The following ZIC4 variants were observed in gnomAD, a reference collection of about 807,000 sequenced individuals.
The protein encoded by ZIC4 is zinc finger protein ZIC 4.
Under a neutral mutation model 28.8 loss-of-function variants are expected in ZIC4, and 15 were observed. The ratio of observed to expected loss-of-function variants is 0.52; its 90% confidence interval spans 0.35 to 0.80. The LOEUF (loss-of-function observed/expected upper bound fraction) is 0.80. Among genes scored for constraint, ZIC4 ranks in the 30% least tolerant of loss-of-function variants. ZIC4 has a pLI of 0.01. For synonymous variants in ZIC4, 220 were observed against 198.1 expected (o/e 1.11, Z -0.93); for missense variants, 512 against 467.1 (o/e 1.10, Z -0.89).
At chr3:147,403,047 A>G (rs1452523187) in intron 1 of ZIC4, among the ~76,000 whole-genome samples, 1 of 152,188 alleles carries the variant, frequency 6.6e-6, no homozygotes, top group Non-Finnish European at 1.5e-5. Flanking sequence ...ATAATTTCCC[A>G]GCTAGGCTTT....
At chr3:147,390,824 C>A in intron 4 of ZIC4, 107 bp downstream of exon 4, 2 of 1,357,942 alleles carry the variant, frequency 1.5e-6, no homozygotes, top group South Asian at 1.5e-5. Flanking sequence ...ACAGAGGCAG[C>A]CCTAATACCG....
chr3:147,389,636 C>T (rs779376520), intron 4 of ZIC4, among the ~76,000 whole-genome samples: 11 of 152,118 alleles, frequency 7.2e-5, no homozygotes, highest in Non-Finnish European at 1.3e-4. Context: ...ATTGCAAAGG[C>T]CTTTCTCGCC....
At position 147,390,947 on chromosome 3, in the gene ZIC4, C is replaced by G; in HGVS notation, c.988G>C (p.Ala330Pro). Residue 330 changes from alanine (A) to proline (P), a missense_variant, in exon 4 of 5, where the codon GCC (alanine) becomes CCC (proline). Ala to Pro is a conservative substitution (Grantham distance 27). Transcript: ENST00000383075. Reference sequence around the variant, plus strand: ...CACACGTACCATTCGCTCAAGTCGGCGGTACGCGCCGCCACCGCCGCCGAG... The same window carrying G: ...CACACGTACCATTCGCTCAAGTCGGGGGTACGCGCCGCCACCGCCGCCGAG... ...ASSAAVAART[A>P]DLSE 2 of 1,610,060 alleles carry G rather than the reference C, an allele frequency of 1.2e-6. No individual in the cohort carries two copies. Among genetic ancestry groups the G allele is most frequent in the Non-Finnish European group, 1.7e-6 (2 of 1,178,392 alleles).
chr3:147,397,327 T>A (rs2087070640), intron 2 of ZIC4: 1 of 146,778 alleles, frequency 6.8e-6, no homozygotes, highest in Non-Finnish European at 1.5e-5. Flanking sequence ...ACGCGGTCGG[T>A]CTCTCTCTCT....
chr3:147,392,433 A>G (rs758986101), intron 3 of ZIC4: 13 of 985,464 alleles, frequency 1.3e-5, no homozygotes, highest in Non-Finnish European at 1.6e-5. Context: ...GGCCAGCTGA[A>G]TTCGCTGACG....
At chr3:147,390,450 A>G (rs1210786152) in intron 4 of ZIC4, among the ~76,000 whole-genome samples, 4 of 152,008 alleles carry the variant, frequency 2.6e-5, no homozygotes, top group South Asian at 2.1e-4. Context: ...CGAGAAAAAT[A>G]TTTCCCATTC....
At chr3:147,400,407 A>G (rs1459549298) in intron 2 of ZIC4, among the ~76,000 whole-genome samples, 1 of 152,228 alleles carries the variant, frequency 6.6e-6, no homozygotes, top group Admixed American at 6.5e-5. Flanking sequence ...CCTGGAGAGT[A>G]GGCTGGCCCC....
At chr3:147,403,701 A>T (rs939626575) in intron 1 of ZIC4, 2 of 317,520 alleles carry the variant, frequency 6.3e-6, no homozygotes, top group Non-Finnish European at 1.2e-5. Context: ...AAAAGGTCTC[A>T]GGCTGGACAA....
In ZIC4 at chr3:147,396,749, G is replaced by A. The variant is rs569950135; in HGVS notation, c.71-280C>T. 1.3e-4 allele frequency: 49 copies of A among 369,754 alleles called. 1 individual carries two copies. The East Asian group carries it at 2.0e-3, about 15-fold the overall frequency. The allele number at this position is 369,754 out of a possible 1,614,324, so 22.9% of individuals were successfully genotyped here. ...GTAGATGTAAGGGGTAATGGAAGGC[G>A]CAGGGCTGAGTCTGTGGGTTGCTGG... On this transcript the variant is annotated intron_variant, in intron 2 of 4. Coordinates refer to ENST00000383075, the MANE Select transcript of ZIC4 (RefSeq NM_032153.6). The surrounding 1 kb of genome is among the most constrained non-coding windows in gnomAD (Gnocchi z 4.2).
In ZIC4 at chr3:147,396,162, C is replaced by T. The variant is rs777745631; in HGVS notation, c.378G>A (p.Gln126=). The change falls in exon 3 of 5, where the codon CAG becomes CAA. Residue 126 remains glutamine (Q), a synonymous_variant. Coordinates refer to ENST00000383075, the MANE Select transcript of ZIC4 (RefSeq NM_032153.6). The surrounding 1 kb of genome is among the most constrained non-coding windows in gnomAD (Gnocchi z 4.2). ...CCGCCAGCCACTTGCAGATGAGCTC[C>T]TGTTTGATGGGCTGGCGCATGTAGC... ...FFRYMRQPIK[Q]ELICKWLAAD... 17 of 1,614,046 alleles carry T rather than the reference C, an allele frequency of 1.1e-5. No homozygotes were observed. The Admixed American group carries it at 2.5e-4, about 24-fold the overall frequency.
chr3:147,404,148 G>A (rs909593319), intron 1 of ZIC4: 2 of 1,530,212 alleles, frequency 1.3e-6, no homozygotes, highest in African/African-American at 1.4e-5. Flanking sequence ...GTCTGGCATG[G>A]AAAAGTCCTG....
chr3:147,390,640 T>C (rs2086892196), intron 4 of ZIC4, among the ~76,000 whole-genome samples: 3 of 152,322 alleles, frequency 2.0e-5, no homozygotes, highest in South Asian at 4.1e-4. Context: ...GACTACAGAA[T>C]AAATAGGGGG....
chr3:147,389,790 A>G (rs1054880799), intron 4 of ZIC4, among the ~76,000 whole-genome samples: 1 of 152,128 alleles, frequency 6.6e-6, no homozygotes, highest in African/African-American at 2.4e-5. Flanking sequence ...ACACCTTTTT[A>G]AAAATAAGAC....
chr3:147,388,711 C>CATTG lies in ZIC4; in HGVS notation c.*144_*147dup. 1.5e-6 allele frequency: 1 copy of CATTG among 658,278 alleles called. No homozygotes were observed. Among genetic ancestry groups the CATTG allele is most frequent in the Middle Eastern group, 4.2e-4 (1 of 2,374 alleles). 40.8% of individuals were successfully genotyped at this position (658,278 alleles called of 1,614,324 possible). A position where few individuals can be genotyped will look rare whatever the true frequency, so the allele number is the denominator to read the frequency against. On this transcript the variant is annotated 3_prime_UTR_variant, in exon 5 of 5. Coordinates refer to ENST00000383075, the MANE Select transcript of ZIC4 (RefSeq NM_032153.6). ...TTTCAGGATTTCAGTGCGACTTGCA[C>CATTG]ATTGCCATAGAAATCCTAACTTACC...
chr3:147,394,166 A>C (rs951635130), intron 3 of ZIC4, among the ~76,000 whole-genome samples: 57 of 142,914 alleles, frequency 4.0e-4, no homozygotes, highest in African/African-American at 1.4e-3. Context: ...TCTTTTTATG[A>C]CTAGGAGGGG....
At chr3:147,401,177 A>G (rs970474107) in intron 2 of ZIC4, among the ~76,000 whole-genome samples, 1 of 152,170 alleles carries the variant, frequency 6.6e-6, no homozygotes, top group African/African-American at 2.4e-5. Context: ...ACCCAGACGA[A>G]TGCAGTGGCA....
chr3:147,404,206 G>A lies in ZIC4; in HGVS notation c.-15-1394C>T, dbSNP rs867725088. On this transcript the variant is annotated intron_variant, in intron 1 of 4. Coordinates refer to ENST00000383075, the MANE Select transcript of ZIC4 (RefSeq NM_032153.6). ...TACTCTTTTGCTTCTGGGGGAAATG[G>A]GTGTGAGGTTCCCTAGAGATCCCTG... 2.7e-5 allele frequency: 40 copies of A among 1,472,392 alleles called. No individual in the cohort carries two copies. In the African/African-American group the frequency reaches 5.1e-4, roughly 19 times the overall value. The allele number at this position is 1,472,392 out of a possible 1,614,324, so 91.2% of individuals were successfully genotyped here. A position where few individuals can be genotyped will look rare whatever the true frequency, so the allele number is the denominator to read the frequency against.
chr3:147,402,962 A>G, intron 1 of ZIC4, 150 bp from the exon 2 acceptor site: 1 of 620,524 alleles, frequency 1.6e-6, no homozygotes, highest in Non-Finnish European at 2.7e-6. Flanking sequence ...TTTTGAAGCT[A>G]AAGAAAAGGA....
Position 147,402,788 on chromosome 3 carries a change from T to G in ZIC4, c.10A>C (p.Lys4Gln), listed in dbSNP as rs1049227454. Residue 4 changes from lysine (K) to glutamine (Q), a missense_variant, in exon 2 of 5, where the codon AAG becomes CAG. Physicochemically the swap from Lys to Gln is moderately conservative, Grantham distance 53 (BLOSUM62 1). Transcript: ENST00000383075. MRY[K>Q]TSLVMRKRLR... ...CGTTTCCTCATCACCAAGGATGTCT[T>G]GTATCTCATTTTCTGACTTTGAGCC... The G allele has an allele frequency of 1.7e-5, 27 of 1,613,954 alleles. No homozygotes were observed. Among genetic ancestry groups the G allele is most frequent in the Non-Finnish European group, 2.0e-5 (24 of 1,179,960 alleles).
Sources: gnomAD v4.1 joint callset for allele counts (sites outside exome capture counted in the v4.1 genomes callset) on GRCh38, gnomAD v4.1.1 for gene constraint, Gnocchi (gnomAD v3.1) non-coding constraint, MANE v1.5 for transcripts, NCBI Gene and HGNC (gene_info 2026-07-23, HGNC 2026-07-21) for gene names.